The following CLCN3 variants were observed in gnomAD, a reference collection of about 807,000 sequenced individuals.
The protein encoded by CLCN3 is Cl-/H+ antiporter 3.
In CLCN3, 16 loss-of-function variants were observed where a neutral mutation model predicts 83.4. The ratio of observed to expected loss-of-function variants is 0.19; its 90% CI spans 0.13 to 0.29. The LOEUF (loss-of-function observed/expected upper bound fraction) is 0.29, where lower values mean the gene tolerates loss of function less well. CLCN3 is among the 10% of genes least tolerant of loss of function. The probability of loss-of-function intolerance (pLI) is 1.00; values close to 1 mark genes in which losing one functional copy is unlikely to be tolerated. For missense variants in CLCN3, 544 were observed against 1,006.0 expected (o/e 0.54, Z 6.21); for synonymous variants, 322 against 346.2 (o/e 0.93, Z 0.78).
At chr4:169,633,712 A>G (rs949811736) in intron 1 of CLCN3, among the ~76,000 whole-genome samples, 8 of 152,266 alleles carry the variant, frequency 5.3e-5, no homozygotes, top group Non-Finnish European at 1.0e-4. Flanking sequence ...GATTCATTTC[A>G]AATATATTTT....
chr4:169,685,832 A>C (rs2150244811), intron 3 of CLCN3, among the ~76,000 whole-genome samples: 1 of 152,326 alleles, frequency 6.6e-6, no homozygotes, highest in South Asian at 2.1e-4. Flanking sequence ...CATGGAGTTT[A>C]GTGATTATTT....
At position 169,720,048 on chromosome 4, in the gene CLCN3, A is replaced by C; in HGVS notation, c.*51A>C. On this transcript the variant is annotated 3_prime_UTR_variant, in exon 13 of 13. Transcript: ENST00000513761. ...AACGGAAGAGGAAGTTTATTTGTTG[A>C]ATAGCACAACTCTTTAACCTGAGGG... 6.2e-7 allele frequency: 1 copy of C among 1,612,330 alleles called. No homozygotes were observed. Among genetic ancestry groups the C allele is most frequent in the Admixed American group, 1.7e-5 (1 of 59,682 alleles).
chr4:169,652,491 T>C (rs192085096), intron 2 of CLCN3, among the ~76,000 whole-genome samples: 1 of 152,330 alleles, frequency 6.6e-6, no homozygotes, highest in African/African-American at 2.4e-5. Flanking sequence ...CTATTATATA[T>C]CATTTTTTAA....
chr4:169,677,867 T>G (rs546801008), intron 2 of CLCN3, among the ~76,000 whole-genome samples: 1 of 152,170 alleles, frequency 6.6e-6, no homozygotes, highest in East Asian at 1.9e-4. Flanking sequence ...TTGAGCTTAT[T>G]TTCATATTTA....
At position 169,721,982 on chromosome 4, in the gene CLCN3, A is replaced by G. The variant is rs575001147; in HGVS notation, c.*1985A>G. ...CGGGCACACGCCACCATGCCCAGCTAATTTTTTTGTATTTTTAGTAGAGAT... is the reference window on the plus strand; with the variant it reads ...CGGGCACACGCCACCATGCCCAGCTGATTTTTTTGTATTTTTAGTAGAGAT... On this transcript the variant is annotated 3_prime_UTR_variant, in exon 13 of 13. Transcript: ENST00000513761. The G allele has an allele frequency of 1.1e-3, 164 of 152,184 alleles. No homozygotes were observed. The highest frequency in any genetic ancestry group is 3.9e-3 in the African/African-American group (161 of 41,512). 9.4% of individuals were successfully genotyped at this position (152,184 alleles called of 1,614,324 possible). A position where few individuals can be genotyped will look rare whatever the true frequency, so the allele number is the denominator to read the frequency against.
intron 2 of CLCN3, among the ~76,000 whole-genome samples, chr4:169,648,467 A>G (rs1225167247): frequency 1.3e-5 from 2 of 152,212 alleles, no homozygotes; most frequent in African/African-American, 2.4e-5. Flanking sequence ...AAGGTAGAAA[A>G]TGAAAACTAC....
intron 8 of CLCN3, among the ~76,000 whole-genome samples, chr4:169,696,157 T>G (rs1732555882): frequency 6.6e-6 from 1 of 152,182 alleles, no homozygotes; most frequent in Admixed American, 6.5e-5. Context: ...TGGCGCGATC[T>G]TGGCTCACTG....
At chr4:169,703,894 A>G (rs2150263410) in intron 9 of CLCN3, 104 bp from the exon 10 acceptor site, 1 of 1,118,702 alleles carries the variant, frequency 8.9e-7, no homozygotes, top group African/African-American at 1.5e-5. Context: ...TATTAATACA[A>G]TGTGAAAAGA....
Position 169,668,730 on chromosome 4 carries a change from A to AT in CLCN3, c.161-11305dup, listed in dbSNP as rs538629875. Reference sequence around the variant, plus strand: ...AGTCAGCCCTCCAAAAAAGTTTTTGATTTTTTTTTTTTTTTGTCTTAAACT... The same window carrying AT: ...AGTCAGCCCTCCAAAAAAGTTTTTGATTTTTTTTTTTTTTTTGTCTTAAACT... On this transcript the variant is annotated intron_variant, in intron 2 of 12. Transcript: ENST00000513761. 7.9e-3 allele frequency among the ~76,000 whole-genome samples: 1,114 copies of AT among 141,694 alleles called. 15 individuals carry two copies. Among genetic ancestry groups the AT allele is most frequent in the African/African-American group, 0.02 (760 of 38,352 alleles). The allele number at this position is 141,694 out of a possible 152,430, so 93.0% of individuals were successfully genotyped here.
At chr4:169,704,629 A>G (rs527309333) in intron 10 of CLCN3, among the ~76,000 whole-genome samples, 2 of 152,334 alleles carry the variant, frequency 1.3e-5, no homozygotes, top group East Asian at 3.9e-4. Flanking sequence ...TTAGTAAAAG[A>G]TGTATTTACC....
intron 2 of CLCN3, among the ~76,000 whole-genome samples, chr4:169,664,234 G>A (rs1285895803): frequency 3.3e-5 from 5 of 152,096 alleles, no homozygotes; most frequent in Non-Finnish European, 5.9e-5. Context: ...AAAAAGTGTC[G>A]CTTTGCCATT....
In CLCN3 at chr4:169,722,662, C is replaced by T. The variant is rs761055062; in HGVS notation, c.*2665C>T. On this transcript the variant is annotated 3_prime_UTR_variant, in exon 13 of 13. Transcript: ENST00000513761. ...CCTCCTTTAATTGCCCATCTTGCTT[C>T]AGAGACTGACATTTCAGGGTGGATA... 1.6e-4 allele frequency: 24 copies of T among 152,188 alleles called. No individual in the cohort carries two copies. Among genetic ancestry groups the T allele is most frequent in the Non-Finnish European group, 2.9e-4 (20 of 68,038 alleles). The allele number at this position is 152,188 out of a possible 1,614,324, so 9.4% of individuals were successfully genotyped here.
At chr4:169,716,184 A>G (rs1733415855) in intron 12 of CLCN3, among the ~76,000 whole-genome samples, 1 of 152,194 alleles carries the variant, frequency 6.6e-6, no homozygotes, top group Admixed American at 6.5e-5. Flanking sequence ...TAAAATTACT[A>G]AAGCAGCACT....
intron 2 of CLCN3, among the ~76,000 whole-genome samples, chr4:169,667,289 AT>A (rs1731280380): frequency 6.6e-6 from 1 of 151,024 alleles, no homozygotes; most frequent in African/African-American, 2.5e-5. Context: ...TTAAAGAATA[AT>A]GAATCCTTTT....
chr4:169,695,368 G>C (rs972743323), intron 7 of CLCN3, among the ~76,000 whole-genome samples: 7 of 152,072 alleles, frequency 4.6e-5, no homozygotes, highest in African/African-American at 1.4e-4. Flanking sequence ...ATTCACATTA[G>C]TATATCTGGC....
chr4:169,675,142 A>G (rs1010088045), intron 2 of CLCN3, among the ~76,000 whole-genome samples: 1 of 152,248 alleles, frequency 6.6e-6, no homozygotes, highest in African/African-American at 2.4e-5. Context: ...GTTGTTTAAA[A>G]TATTAGCGCC....
chr4:169,633,945 C>T (rs1302216238), intron 1 of CLCN3, among the ~76,000 whole-genome samples: 7 of 76,396 alleles, frequency 9.2e-5, no homozygotes, highest in Non-Finnish European at 1.1e-4. Context: ...TGGGTTAATA[C>T]GTGGAATAGT....
chr4:169,682,643 T>C (rs778189115), intron 3 of CLCN3, among the ~76,000 whole-genome samples: 1 of 152,234 alleles, frequency 6.6e-6, no homozygotes, highest in Non-Finnish European at 1.5e-5. Context: ...ATGGTTCTTA[T>C]TTCATCACAC....
chr4:169,678,448 CTT>C (rs927603747), intron 2 of CLCN3, among the ~76,000 whole-genome samples: 1 of 151,770 alleles, frequency 6.6e-6, no homozygotes, highest in Non-Finnish European at 1.5e-5. Context: ...ATTGATCACT[CTT>C]GGGTGTTTCT....
Sources: gnomAD v4.1 joint callset for allele counts (sites outside exome capture counted in the v4.1 genomes callset) on GRCh38, gnomAD v4.1.1 for gene constraint, MANE v1.5 for transcripts, NCBI Gene and HGNC (gene_info 2026-07-23, HGNC 2026-07-21) for gene names.